Variants in OIT3 observed in about 807,000 individuals in gnomAD.
OIT3 encodes oncoprotein induced transcript 3, also known as oncoprotein-induced transcript 3 protein.
OIT3 carries 41 observed loss-of-function variants against 52.2 expected under a neutral mutation model. The ratio of observed to expected loss-of-function variants is 0.79; its 90% CI spans 0.61 to 1.02. The LOEUF (loss-of-function observed/expected upper bound fraction) is 1.02. Among genes scored for constraint, OIT3 ranks in the 50% least tolerant of loss-of-function variants. The pLI is 0.00. For missense variants in OIT3, 634 were observed against 715.5 expected (o/e 0.89, Z 1.30); for synonymous variants, 244 against 276.9 (o/e 0.88, Z 1.18).
intron 4 of OIT3, among the ~76,000 whole-genome samples, chr10:72,911,408 G>A (rs1408526830): frequency 6.6e-6 from 1 of 152,084 alleles, no homozygotes; most frequent in African/African-American, 2.4e-5. Flanking sequence ...AATGACTTTT[G>A]GGTCCTAGTC....
chr10:72,908,614 C>T (rs990054108), intron 4 of OIT3, among the ~76,000 whole-genome samples: 4 of 151,990 alleles, frequency 2.6e-5, no homozygotes, highest in Admixed American at 2.0e-4. Context: ...TATCCAGAGT[C>T]CTCCTTAAAT....
At chr10:72,930,730 C>G in intron 8 of OIT3, 93 bp downstream of exon 8, 1 of 757,392 alleles carries the variant, frequency 1.3e-6, no homozygotes, top group Non-Finnish European at 2.2e-6. Context: ...CAAGAGCCCA[C>G]TGGTGGGATC....
chr10:72,913,535 A>T, intron 6 of OIT3, 67 bp downstream of exon 6: 1 of 1,276,212 alleles, frequency 7.8e-7, no homozygotes, highest in Non-Finnish European at 1.1e-6. Context: ...CAGTGGACAG[A>T]GGTATGCCAT....
chr10:72,895,726 C>T (rs919150926), intron 1 of OIT3, among the ~76,000 whole-genome samples: 1 of 152,154 alleles, frequency 6.6e-6, no homozygotes, highest in African/African-American at 2.4e-5. Flanking sequence ...TGGTTCCCTG[C>T]CCTTGGCCCT....
chr10:72,906,851 G>A (rs750075550), intron 4 of OIT3, 133 bp downstream of exon 4: 33 of 786,752 alleles, frequency 4.2e-5, no homozygotes, highest in Non-Finnish European at 6.0e-5. Flanking sequence ...GACAAAAGGC[G>A]TTCATCAACA....
In OIT3 at chr10:72,924,552, C is replaced by T. The variant is rs760333400; in HGVS notation, c.1275C>T (p.His425=). 8.1e-6 allele frequency: 13 copies of T among 1,614,146 alleles called. No individual in the cohort carries two copies. The South Asian group carries it at 1.1e-4, about 14-fold the overall frequency. ...ACTTTGGCATTGAGCCCGTGGTGCA[C>T]GTGAGCGGCTTGGAAAGCTTGGTGG... is the stretch of plus-strand genomic sequence containing the variant. The part of the protein sequence containing the change: ...SLYFGIEPVV[H]VSGLESLVES... Residue 425 remains histidine, a synonymous_variant, in exon 7 of 9, where the codon CAC becomes CAT. Coordinates refer to ENST00000334011, the MANE Select transcript of OIT3 (RefSeq NM_152635.3).
At chr10:72,904,524 T>C (rs1190841281) in intron 3 of OIT3, among the ~76,000 whole-genome samples, 2 of 152,184 alleles carry the variant, frequency 1.3e-5, no homozygotes, top group Non-Finnish European at 2.9e-5. Flanking sequence ...TGATAAAGAT[T>C]CTTAATATTA....
chr10:72,900,803 C>T (rs927540430), intron 3 of OIT3, among the ~76,000 whole-genome samples: 10 of 152,008 alleles, frequency 6.6e-5, no homozygotes, highest in Admixed American at 4.6e-4. Flanking sequence ...CACGGTGGCT[C>T]GCACCTGTAA....
chr10:72,932,582 C>A lies in OIT3; in HGVS notation c.*58C>A. ...CGGCTCTGCTCTTTGGAGCTTCTCC[C>A]CCCACCGCCCTCTAAGAACATCTGC... On this transcript the variant is annotated 3_prime_UTR_variant, in exon 9 of 9. Coordinates refer to ENST00000334011, the MANE Select transcript of OIT3 (RefSeq NM_152635.3). 6.8e-7 allele frequency: 1 copy of A among 1,460,616 alleles called. No homozygotes were observed. Among genetic ancestry groups the A allele is most frequent in the Non-Finnish European group, 9.2e-7 (1 of 1,081,894 alleles). 90.5% of individuals were successfully genotyped at this position (1,460,616 alleles called of 1,614,324 possible).
chr10:72,897,173 G>A (rs553156418), intron 1 of OIT3, among the ~76,000 whole-genome samples: 8 of 152,084 alleles, frequency 5.3e-5, no homozygotes, highest in Non-Finnish European at 2.9e-5. Context: ...ACAGGCACGT[G>A]CCACCACGCC....
intron 3 of OIT3, among the ~76,000 whole-genome samples, chr10:72,904,958 G>A (rs1342751571): frequency 2.0e-5 from 3 of 152,208 alleles, no homozygotes; most frequent in Non-Finnish European, 4.4e-5. Context: ...ACTCATGGAG[G>A]AAGGTGAAGG....
chr10:72,932,527 C>G lies in OIT3; in HGVS notation c.*3C>G. 1 of 1,593,086 alleles carries G rather than the reference C, an allele frequency of 6.3e-7. No individual in the cohort carries two copies. The highest frequency in any genetic ancestry group is 1.1e-5 in the South Asian group (1 of 87,608). ...TCCGCATCGACTGGGAGGACTAGTT[C>G]GTAGCCATACCTCGAGTCCCTGCAT... is the stretch of plus-strand genomic sequence containing the variant. On this transcript the variant is annotated 3_prime_UTR_variant, in exon 9 of 9. Transcript: ENST00000334011.
chr10:72,906,750 G>T, intron 4 of OIT3, 32 bp downstream of exon 4: 1 of 1,521,372 alleles, frequency 6.6e-7, no homozygotes. Context: ...CCCAAATCAA[G>T]AGCCCAGAGG....
intron 7 of OIT3, among the ~76,000 whole-genome samples, chr10:72,927,994 CTT>C (rs973040296): frequency 1.3e-4 from 20 of 151,986 alleles, no homozygotes; most frequent in African/African-American, 4.4e-4. Flanking sequence ...TTGAATGAGT[CTT>C]TATAATAATC....
chr10:72,895,442 T>A (rs1373419726), intron 1 of OIT3, among the ~76,000 whole-genome samples: 2 of 152,108 alleles, frequency 1.3e-5, no homozygotes, highest in African/African-American at 4.8e-5. Flanking sequence ...AGAAGCATGA[T>A]AAAGGGGGAA....
intron 5 of OIT3, 52 bp downstream of exon 5, chr10:72,911,891 C>T: frequency 6.6e-7 from 1 of 1,521,156 alleles, no homozygotes. Flanking sequence ...ACTTCTTCCT[C>T]TCCCAAAGCT....
chr10:72,931,129 A>G (rs1430448045), intron 8 of OIT3, among the ~76,000 whole-genome samples: 2 of 152,348 alleles, frequency 1.3e-5, no homozygotes, highest in Non-Finnish European at 2.9e-5. Context: ...AGAAGTATAC[A>G]GTGACAGTGT....
At chr10:72,903,742 C>T (rs755549062) in intron 3 of OIT3, among the ~76,000 whole-genome samples, 4 of 152,066 alleles carry the variant, frequency 2.6e-5, no homozygotes, top group Admixed American at 6.6e-5. Flanking sequence ...AAAAATGATA[C>T]CTTACCCAAT....
At chr10:72,912,514 G>A (rs895803104) in intron 5 of OIT3, among the ~76,000 whole-genome samples, 1 of 151,918 alleles carries the variant, frequency 6.6e-6, no homozygotes, top group Non-Finnish European at 1.5e-5. Flanking sequence ...CAAGTGAGCC[G>A]CCCTCCTTGG....
Sources: gnomAD v4.1 joint callset for allele counts (sites outside exome capture counted in the v4.1 genomes callset) on GRCh38, gnomAD v4.1.1 for gene constraint, MANE v1.5 for transcripts, NCBI Gene and HGNC (gene_info 2026-07-23, HGNC 2026-07-21) for gene names.